The following AMOTL1 variants were observed in gnomAD, a reference collection of about 807,000 sequenced individuals.
The protein encoded by AMOTL1 is angiomotin-like protein 1.
Under a neutral mutation model 102.9 loss-of-function variants are expected in AMOTL1, and 45 were observed. The observed-to-expected ratio is 0.44, with a 90% CI of 0.34 to 0.56. The LOEUF (loss-of-function observed/expected upper bound fraction) is 0.56, where lower values mean the gene tolerates loss of function less well. AMOTL1 is among the 20% of genes least tolerant of loss of function. AMOTL1 has a pLI of 0.01. For synonymous variants in AMOTL1, 481 were observed against 484.7 expected (o/e 0.99, Z 0.10); for missense variants, 1,114 against 1,225.6 (o/e 0.91, Z 1.36).
intron 1 of AMOTL1, among the ~76,000 whole-genome samples, chr11:94,790,735 A>T (rs145229763): frequency 4.1e-4 from 62 of 152,286 alleles, no homozygotes; most frequent in Middle Eastern, 3.4e-3. Context: ...GGGACTTCCT[A>T]GTTGTGTGTA....
Position 94,872,080 on chromosome 11 carries a change from TAC to T in AMOTL1, c.*1287_*1288del, listed in dbSNP as rs1221563675. 1 of 152,122 alleles carries T rather than the reference TAC, an allele frequency of 6.6e-6. No individual in the cohort carries two copies. The highest frequency in any genetic ancestry group is 1.5e-5 in the Non-Finnish European group (1 of 68,036). The allele number at this position is 152,122 out of a possible 1,614,324, so 9.4% of individuals were successfully genotyped here. A position where few individuals can be genotyped will look rare whatever the true frequency, so the allele number is the denominator to read the frequency against. ...TGTAACCTACCAGGCCAGTTGTATA[TAC>T]AGTGTTGTCAGGTTTTTCCGGGTTT... On this transcript the variant is annotated 3_prime_UTR_variant, in exon 13 of 13. Coordinates refer to ENST00000433060, the MANE Select transcript of AMOTL1 (RefSeq NM_130847.3).
intron 1 of AMOTL1, among the ~76,000 whole-genome samples, chr11:94,718,191 C>G (rs1950123806): frequency 6.6e-6 from 1 of 151,906 alleles, no homozygotes. Flanking sequence ...ATTGGACCCT[C>G]TTTGTAAATT....
At chr11:94,761,471 G>A (rs1950792199) in intron 3 of AMOTL1, among the ~76,000 whole-genome samples, 1 of 149,434 alleles carries the variant, frequency 6.7e-6, no homozygotes, top group Non-Finnish European at 1.5e-5. Context: ...TTACAGGCAT[G>A]AGCGACTGCG....
At chr11:94,762,741 G>C (rs1351051966) in intron 3 of AMOTL1, among the ~76,000 whole-genome samples, 1 of 152,110 alleles carries the variant, frequency 6.6e-6, no homozygotes, top group Non-Finnish European at 1.5e-5. Context: ...ACCCCATTTG[G>C]TACAGGTGCA....
intron 1 of AMOTL1, among the ~76,000 whole-genome samples, chr11:94,775,749 C>T (rs895007366): frequency 6.6e-6 from 1 of 152,146 alleles, no homozygotes; most frequent in African/African-American, 2.4e-5. Flanking sequence ...ATGGCAACAC[C>T]ACTGGGCTTC....
intron 4 of AMOTL1, among the ~76,000 whole-genome samples, chr11:94,829,746 A>C (rs1209455060): frequency 6.6e-6 from 1 of 152,148 alleles, no homozygotes; most frequent in African/African-American, 2.4e-5. Context: ...TTAAAAGTGT[A>C]AGAGGTTTAA....
At chr11:94,722,516 A>T (rs1591893057) in intron 1 of AMOTL1, among the ~76,000 whole-genome samples, 1 of 152,212 alleles carries the variant, frequency 6.6e-6, no homozygotes, top group Non-Finnish European at 1.5e-5. Flanking sequence ...ATGTGCTATG[A>T]TACCCTATTA....
At chr11:94,783,021 C>T (rs993777168) in intron 1 of AMOTL1, among the ~76,000 whole-genome samples, 4 of 152,086 alleles carry the variant, frequency 2.6e-5, no homozygotes, top group African/African-American at 9.7e-5. Context: ...ATTGATTTAG[C>T]TCACATTAAC....
chr11:94,759,992 A>C (rs1950772424), intron 3 of AMOTL1, among the ~76,000 whole-genome samples: 1 of 152,244 alleles, frequency 6.6e-6, no homozygotes. Context: ...CTTGGGCCCC[A>C]TCCAGGCCTA....
Position 94,872,328 on chromosome 11 carries a change from C to T in AMOTL1, c.*1533C>T, listed in dbSNP as rs1479077848. 1 of 152,150 alleles carries T rather than the reference C, an allele frequency of 6.6e-6. No homozygotes were observed. The highest frequency in any genetic ancestry group is 1.5e-5 in the Non-Finnish European group (1 of 68,048). The allele number at this position is 152,150 out of a possible 1,614,324, so 9.4% of individuals were successfully genotyped here. A position where few individuals can be genotyped will look rare whatever the true frequency, so the allele number is the denominator to read the frequency against. ...CCTACAGGGTCCTGATGTTTTTGTA[C>T]CTCCAGGTCAGCTGGATCGCTGTTT... On this transcript the variant is annotated 3_prime_UTR_variant, in exon 13 of 13. Transcript: ENST00000433060.
intron 8 of AMOTL1, among the ~76,000 whole-genome samples, chr11:94,855,378 T>A (rs1416507963): frequency 6.6e-6 from 1 of 152,222 alleles, no homozygotes; most frequent in Non-Finnish European, 1.5e-5. Context: ...GGTCTGTCTG[T>A]GGACTTCTAA....
In AMOTL1 at chr11:94,871,951, A is replaced by ATGAGCGC. The variant is rs1565391890; in HGVS notation, c.*1162_*1163insCTGAGCG. 1 of 151,472 alleles carries ATGAGCGC rather than the reference A, an allele frequency of 6.6e-6. No individual in the cohort carries two copies. Among genetic ancestry groups the ATGAGCGC allele is most frequent in the African/African-American group, 2.4e-5 (1 of 40,870 alleles). The allele number at this position is 151,472 out of a possible 1,614,324, so 9.4% of individuals were successfully genotyped here. ...CGTATAGCTTCTTGTATTGAGGCTCATGAGCGTATTCACACTCTTTCCTCC... is the reference window on the plus strand; with the variant it reads ...CGTATAGCTTCTTGTATTGAGGCTCATGAGCGCTGAGCGTATTCACACTCTTTCCTCC... On this transcript the variant is annotated 3_prime_UTR_variant, in exon 13 of 13. Transcript: ENST00000433060.
chr11:94,766,615 C>A (rs1053378256), upstream of AMOTL1, among the ~76,000 whole-genome samples: 1 of 152,146 alleles, frequency 6.6e-6, no homozygotes, highest in African/African-American at 2.4e-5. Context: ...TAAATTCGCG[C>A]AAATGTTAGG....
At chr11:94,740,812 G>A in intron 2 of AMOTL1, 1 of 715,056 alleles carries the variant, frequency 1.4e-6, no homozygotes, top group Non-Finnish European at 2.1e-6. Flanking sequence ...TCCGGCTCAG[G>A]GATTCTGAGC....
intron 6 of AMOTL1, among the ~76,000 whole-genome samples, chr11:94,841,662 C>T (rs1218310260): frequency 6.6e-6 from 1 of 152,168 alleles, no homozygotes; most frequent in African/African-American, 2.4e-5. Context: ...AGTAGCAGTA[C>T]ATTTTTATTT....
chr11:94,804,618 T>C (rs1234664965), intron 3 of AMOTL1, among the ~76,000 whole-genome samples: 3 of 152,230 alleles, frequency 2.0e-5, no homozygotes, highest in Admixed American at 2.0e-4. Flanking sequence ...CTATTTGAAT[T>C]TGTTATAACT....
chr11:94,751,448 C>T (rs565424972), intron 3 of AMOTL1, among the ~76,000 whole-genome samples: 1 of 152,132 alleles, frequency 6.6e-6, no homozygotes. Context: ...AGAAACGAAA[C>T]CTTTGCAGCA....
At chr11:94,861,125 A>G (rs1164681428) in intron 9 of AMOTL1, among the ~76,000 whole-genome samples, 1 of 152,080 alleles carries the variant, frequency 6.6e-6, no homozygotes, top group Non-Finnish European at 1.5e-5. Context: ...GTGGGTCTAC[A>G]CTTTGATGGG....
chr11:94,784,324 A>G (rs1951152329), intron 1 of AMOTL1, among the ~76,000 whole-genome samples: 1 of 152,178 alleles, frequency 6.6e-6, no homozygotes, highest in South Asian at 2.1e-4. Context: ...TATGTATGGT[A>G]TGCTAGGCAT....
Sources: allele counts gnomAD v4.1 joint callset (sites outside exome capture counted in the v4.1 genomes callset), GRCh38; gene constraint gnomAD v4.1.1; transcripts MANE v1.5; gene names NCBI Gene and HGNC (gene_info 2026-07-23, HGNC 2026-07-21).